Variants in MLXIP observed in about 807,000 individuals in gnomAD.
MLXIP encodes the protein MLX interacting protein.
A neutral mutation model predicts 87.2 loss-of-function variants in MLXIP; 30 were observed. That is an observed-to-expected ratio of 0.34 (90% CI 0.26 to 0.47). The LOEUF is 0.47. Ranked by LOEUF, MLXIP falls within the 20% of genes least tolerant of loss-of-function variation. The pLI is 1.00. For synonymous variants in MLXIP, 530 were observed against 514.0 expected, an observed-to-expected ratio of 1.03 and a Z score of -0.42; for missense variants, 1,002 against 1,240.1, an observed-to-expected ratio of 0.81 and a Z score of 2.88.
chr12:122,107,934 C>G (rs2135936996), intron 1 of MLXIP, among the ~76,000 whole-genome samples: 1 of 152,272 alleles, frequency 6.6e-6, no homozygotes, highest in South Asian at 2.1e-4. Flanking sequence ...CTCTCTGGCT[C>G]TCCCCTGGCC....
intron 1 of MLXIP, among the ~76,000 whole-genome samples, chr12:122,080,885 A>G (rs1952081009): frequency 6.6e-6 from 1 of 152,258 alleles, no homozygotes; most frequent in South Asian, 2.1e-4. Flanking sequence ...TCTTATTAAG[A>G]AAACTTAATC....
At chr12:122,100,942 A>G (rs1249443128) in intron 1 of MLXIP, among the ~76,000 whole-genome samples, 1 of 152,252 alleles carries the variant, frequency 6.6e-6, no homozygotes, top group African/African-American at 2.4e-5. Context: ...AGCCAGTTAC[A>G]TCAGTGAATG....
At chr12:122,132,624 A>G in intron 8 of MLXIP, 1 of 506,828 alleles carries the variant, frequency 2.0e-6, no homozygotes, top group East Asian at 3.3e-5. Context: ...GTGCCAGGTA[A>G]CCTATGTGCA....
At chr12:122,131,757 C>T (rs1952983102) in intron 7 of MLXIP, among the ~76,000 whole-genome samples, 1 of 151,804 alleles carries the variant, frequency 6.6e-6, no homozygotes, top group Non-Finnish European at 1.5e-5. Context: ...GAGACAGAGC[C>T]TTGCTCTGTA....
chr12:122,094,449 TGTG>T (rs1158811132), intron 1 of MLXIP, among the ~76,000 whole-genome samples: 3 of 124,654 alleles, frequency 2.4e-5, no homozygotes, highest in South Asian at 2.7e-4. Context: ...CGGTGTCTGG[TGTG>T]GTATTGGTGT....
At chr12:122,132,625 C>T in intron 8 of MLXIP, 3 of 505,944 alleles carry the variant, frequency 5.9e-6, no homozygotes, top group Non-Finnish European at 1.1e-5. Flanking sequence ...TGCCAGGTAA[C>T]CTATGTGCAG....
intron 1 of MLXIP, among the ~76,000 whole-genome samples, chr12:122,092,731 G>C (rs1306308360): frequency 6.6e-6 from 1 of 152,132 alleles, no homozygotes; most frequent in African/African-American, 2.4e-5. Context: ...ATTTTGGGAT[G>C]GGGGAAAGGG....
intron 1 of MLXIP, among the ~76,000 whole-genome samples, chr12:122,082,970 A>G (rs760744424): frequency 3.9e-5 from 6 of 152,180 alleles, no homozygotes; most frequent in Admixed American, 1.3e-4. Flanking sequence ...GCGGGCACGC[A>G]CTACTATGCC....
At chr12:122,114,959 C>G (rs2135948263) in intron 1 of MLXIP, among the ~76,000 whole-genome samples, 1 of 151,892 alleles carries the variant, frequency 6.6e-6, no homozygotes, top group South Asian at 2.1e-4. Flanking sequence ...GTTGGCCAGG[C>G]TGGTCTTGAA....
At position 122,146,935 on chromosome 12, in the gene MLXIP, C is replaced by T. The variant is rs1156615277; in HGVS notation, c.*5123C>T. ...CCGGGCCCCACAGCTCCAGGCCATC[C>T]CCTACGGGCTGCCCACAGTGCCCCC... On this transcript the variant is annotated 3_prime_UTR_variant, in exon 17 of 17. Coordinates refer to ENST00000319080, the MANE Select transcript of MLXIP (RefSeq NM_014938.6). The T allele has an allele frequency of 6.6e-6, 1 of 152,244 alleles. No homozygotes were observed. The highest frequency in any genetic ancestry group is 1.5e-5 in the Non-Finnish European group (1 of 68,056). 9.4% of individuals were successfully genotyped at this position (152,244 alleles called of 1,614,324 possible). A position where few individuals can be genotyped will look rare whatever the true frequency, so the allele number is the denominator to read the frequency against.
At chr12:122,087,036 C>A (rs922835191) in intron 1 of MLXIP, among the ~76,000 whole-genome samples, 1 of 152,170 alleles carries the variant, frequency 6.6e-6, no homozygotes, top group Non-Finnish European at 1.5e-5. Flanking sequence ...CACATATGGA[C>A]CTTGCTATGA....
chr12:122,121,410 G>T (rs890531018), intron 1 of MLXIP, among the ~76,000 whole-genome samples: 19 of 149,394 alleles, frequency 1.3e-4, no homozygotes, highest in African/African-American at 4.5e-4. Flanking sequence ...TGGGATTACA[G>T]GCACGTGCCA....
At chr12:122,123,014 C>G (rs1032227862) in intron 1 of MLXIP, among the ~76,000 whole-genome samples, 2 of 152,068 alleles carry the variant, frequency 1.3e-5, no homozygotes, top group African/African-American at 4.8e-5. Context: ...TTTAGAGCAG[C>G]TTTTCCTGAG....
Position 122,138,177 on chromosome 12 carries a change from A to G in MLXIP, c.2155-17A>G. On this transcript the variant is annotated splice_polypyrimidine_tract_variant and intron_variant, in intron 12 of 16. Coordinates refer to ENST00000319080, the MANE Select transcript of MLXIP (RefSeq NM_014938.6). The stretch of plus-strand genomic sequence containing the variant: ...CTGCAATGTGCCTGTCTTAGTGACC[A>G]GCGGGTTCTCCAGCAGAACCGGCAG... 1 of 1,582,742 alleles carries G rather than the reference A, an allele frequency of 6.3e-7. No homozygotes were observed.
intron 1 of MLXIP, among the ~76,000 whole-genome samples, chr12:122,081,769 G>A (rs561885160): frequency 2.0e-5 from 3 of 152,272 alleles, no homozygotes; most frequent in South Asian, 2.1e-4. Flanking sequence ...CTTCCCTGCC[G>A]GCTGTCTGGG....
chr12:122,101,097 C>CGAATA (rs1443002326), intron 1 of MLXIP, among the ~76,000 whole-genome samples: 2 of 152,210 alleles, frequency 1.3e-5, no homozygotes. Context: ...ACAGGGCAGA[C>CGAATA]TATGTCCCCG....
At chr12:122,091,299 A>G (rs1952241640) in intron 1 of MLXIP, among the ~76,000 whole-genome samples, 1 of 152,194 alleles carries the variant, frequency 6.6e-6, no homozygotes, top group Non-Finnish European at 1.5e-5. Flanking sequence ...TGTTTGGGAA[A>G]GTGACCTCCT....
intron 14 of MLXIP, 113 bp downstream of exon 14, chr12:122,138,664 G>A: frequency 6.7e-7 from 1 of 1,498,774 alleles, no homozygotes; most frequent in Non-Finnish European, 8.9e-7. Context: ...CTTTGCTGCA[G>A]TAGTTCTGCT....
intron 3 of MLXIP, chr12:122,128,542 A>G (rs1464865121): frequency 6.4e-6 from 1 of 156,340 alleles, no homozygotes; most frequent in East Asian, 1.9e-4. Flanking sequence ...TTTAACAGAA[A>G]AGCATCTTTG....
Sources: gnomAD v4.1 joint callset for allele counts (sites outside exome capture counted in the v4.1 genomes callset) on GRCh38, gnomAD v4.1.1 for gene constraint, MANE v1.5 for transcripts, NCBI Gene and HGNC (gene_info 2026-07-23, HGNC 2026-07-21) for gene names.